IVNS1ABP: variants seen among roughly 807,000 people sequenced by gnomAD.
IVNS1ABP encodes the protein influenza virus NS1A binding protein.
Under a neutral mutation model 78.9 loss-of-function variants are expected in IVNS1ABP, and 25 were observed. The observed-to-expected ratio is 0.32, with a 90% confidence interval of 0.23 to 0.44. The LOEUF (loss-of-function observed/expected upper bound fraction) is 0.44, where lower values mean the gene tolerates loss of function less well. IVNS1ABP is among the 20% of genes least tolerant of loss of function. The pLI is 1.00. For synonymous variants in IVNS1ABP, 241 were observed against 259.7 expected, an observed-to-expected ratio of 0.93 and a Z score of 0.69; for missense variants, 494 against 768.9, an observed-to-expected ratio of 0.64 and a Z score of 4.23.
In IVNS1ABP at chr1:185,301,195, A is replaced by C; in HGVS notation, c.897T>G (p.Asn299Lys). The change falls in exon 10 of 15, where the codon AAT becomes AAG. Residue 299 changes from asparagine to lysine, a missense_variant and splice_region_variant. By Grantham distance (94) the Asn-to-Lys change is moderately conservative. Transcript: ENST00000367498. Reference sequence around the variant, plus strand: ...GCACAGCCAGGCACAAGTAAGTGTTATCTGTAAGCACAAGAGTTCCATGTT... The same window carrying C: ...GCACAGCCAGGCACAAGTAAGTGTTCTCTGTAAGCACAAGAGTTCCATGTT... ...WKIVASEKTS[N>K]NTYLCLAVLD... The C allele has an allele frequency of 6.2e-7, 1 of 1,610,554 alleles. No homozygotes were observed. Among genetic ancestry groups the C allele is most frequent in the Non-Finnish European group, 8.5e-7 (1 of 1,177,208 alleles).
In IVNS1ABP at chr1:185,297,901, A is replaced by G; in HGVS notation, c.*134T>C. ...AAAAAGTATGTACAGCATGTTTAATAGTATGCAATATGCAAAAGCTTTGTG... is the reference window on the plus strand; with the variant it reads ...AAAAAGTATGTACAGCATGTTTAATGGTATGCAATATGCAAAAGCTTTGTG... On this transcript the variant is annotated 3_prime_UTR_variant, in exon 15 of 15. Transcript: ENST00000367498. 1.3e-6 allele frequency: 1 copy of G among 783,888 alleles called. No individual in the cohort carries two copies. Among genetic ancestry groups the G allele is most frequent in the African/African-American group, 1.7e-5 (1 of 57,636 alleles). 48.6% of individuals were successfully genotyped at this position (783,888 alleles called of 1,614,324 possible). A position where few individuals can be genotyped will look rare whatever the true frequency, so the allele number is the denominator to read the frequency against.
intron 2 of IVNS1ABP, among the ~76,000 whole-genome samples, chr1:185,310,743 T>C (rs533793143): frequency 6.6e-6 from 1 of 151,952 alleles, no homozygotes; most frequent in Admixed American, 6.6e-5. Context: ...GTCATGGTGG[T>C]GGCGCACACC....
At chr1:185,300,879 G>A in intron 10 of IVNS1ABP, 93 bp downstream of exon 10, 6 of 924,530 alleles carry the variant, frequency 6.5e-6, no homozygotes, top group Non-Finnish European at 1.0e-5. Flanking sequence ...GGATTGCCGT[G>A]AAAGATGGCA....
rs1443547852 is a variant in IVNS1ABP, at chr1:185,305,367, G to A, written c.765+169C>T. The A allele has an allele frequency of 3.6e-6, 1 of 278,216 alleles. No homozygotes were observed. The highest frequency in any genetic ancestry group is 5.4e-6 in the Non-Finnish European group (1 of 183,810). The allele number at this position is 278,216 out of a possible 1,614,324, so 17.2% of individuals were successfully genotyped here. ...CTAATTTGTTAATATCTTTTCATGT[G>A]GCAAAAATACTAACTCTAAGATATG... On this transcript the variant is annotated intron_variant, in intron 8 of 14. Coordinates refer to ENST00000367498, the MANE Select transcript of IVNS1ABP (RefSeq NM_006469.5). This position sits in a 1 kb window ranked among gnomAD's most constrained non-coding sequence, Gnocchi z 4.0.
intron 3 of IVNS1ABP, 103 bp from the exon 4 acceptor site, chr1:185,309,275 TA>T (rs1250829190): frequency 8.2e-7 from 1 of 1,224,462 alleles, no homozygotes; most frequent in Non-Finnish European, 1.1e-6. Flanking sequence ...AGTATTCTTT[TA>T]AAAAATCATT....
chr1:185,317,087 A>G lies in IVNS1ABP; in HGVS notation c.-381T>C, dbSNP rs1314801340. The G allele has an allele frequency of 2.5e-6, 1 of 398,282 alleles. No individual in the cohort carries two copies. Among genetic ancestry groups the G allele is most frequent in the Non-Finnish European group, 4.4e-6 (1 of 226,084 alleles). The allele number at this position is 398,282 out of a possible 1,614,324, so 24.7% of individuals were successfully genotyped here. ...ACGGGAGCGGTCAAGTAGAAGGACG[A>G]GGGGCCAGTCCGTGGAGACTGAAAG... On this transcript the variant is annotated 5_prime_UTR_variant, in exon 1 of 15. Transcript: ENST00000367498.
At chr1:185,307,713 A>G (rs1245986123) in intron 5 of IVNS1ABP, 51 bp from the exon 6 acceptor site, 1 of 1,543,874 alleles carries the variant, frequency 6.5e-7, no homozygotes, top group African/African-American at 1.4e-5. Flanking sequence ...TTTATTCAAC[A>G]AATATTTAAT....
rs181593995 is a variant in IVNS1ABP, at chr1:185,298,898, T to A, written c.1676-610A>T. On this transcript the variant is annotated intron_variant, in intron 14 of 14. Coordinates refer to ENST00000367498, the MANE Select transcript of IVNS1ABP (RefSeq NM_006469.5). This position sits in a 1 kb window ranked among gnomAD's most constrained non-coding sequence, Gnocchi z 4.1. ...GCAACACAGTGAGACCATGTCTCAA[T>A]TAAAAAAATAAAATGATTGTGGTAC... The A allele has an allele frequency of 6.6e-6, 1 of 152,288 alleles. No homozygotes were observed. The highest frequency in any genetic ancestry group is 1.5e-5 in the Non-Finnish European group (1 of 68,066). The allele number at this position is 152,288 out of a possible 1,614,324, so 9.4% of individuals were successfully genotyped here.
rs2102817414 is a variant in IVNS1ABP at position 185,305,172 on chromosome 1, C to T, written c.765+364G>A. Among the ~76,000 whole-genome samples, 1 of 152,160 alleles carries T rather than the reference C, an allele frequency of 6.6e-6. No homozygotes were observed. The highest frequency in any genetic ancestry group is 2.1e-4 in the South Asian group (1 of 4,824). ...AACATCCAAAAATTTCTTTCATAGC[C>T]ATCAACAATTTAAGTCCCCCTGCCC... On this transcript the variant is annotated intron_variant, in intron 8 of 14. Transcript: ENST00000367498. This position sits in a 1 kb window ranked among gnomAD's most constrained non-coding sequence, Gnocchi z 4.0.
intron 7 of IVNS1ABP, chr1:185,306,291 T>A (rs1029890206): frequency 1.0e-5 from 3 of 294,006 alleles, no homozygotes; most frequent in African/African-American, 6.9e-5. Flanking sequence ...CCGAAAGGTT[T>A]AAGTGGAGAG....
chr1:185,316,304 C>A (rs890258639), intron 1 of IVNS1ABP, among the ~76,000 whole-genome samples: 2 of 152,126 alleles, frequency 1.3e-5, no homozygotes, highest in Non-Finnish European at 2.9e-5. Flanking sequence ...AGTACCGACA[C>A]GTCAGGGCAG....
chr1:185,307,997 C>A (rs1665784663), intron 5 of IVNS1ABP: 1 of 1,549,780 alleles, frequency 6.5e-7, no homozygotes, highest in Non-Finnish European at 8.7e-7. Context: ...ATGTTGAATG[C>A]AGACAGAAGT....
Position 185,299,887 on chromosome 1 carries a change from C to A in IVNS1ABP, c.1502-4G>T. 6.2e-7 allele frequency: 1 copy of A among 1,613,170 alleles called. No homozygotes were observed. The highest frequency in any genetic ancestry group is 8.5e-7 in the Non-Finnish European group (1 of 1,179,738). On this transcript the variant is annotated splice_region_variant and splice_polypyrimidine_tract_variant and intron_variant, in intron 13 of 14. Transcript: ENST00000367498. The stretch of plus-strand genomic sequence containing the variant: ...CAGACTGCAGACTGGTGTCTCCCTA[C>A]AAGAAAAGTCAAGTCAAGATTATTG...
intron 2 of IVNS1ABP, among the ~76,000 whole-genome samples, chr1:185,310,472 G>A (rs1433540413): frequency 6.6e-6 from 1 of 152,144 alleles, no homozygotes; most frequent in Non-Finnish European, 1.5e-5. Context: ...GCCAGGCATG[G>A]TGGCGGGCGC....
intron 1 of IVNS1ABP, among the ~76,000 whole-genome samples, chr1:185,315,626 G>A (rs1428243293): frequency 6.6e-6 from 1 of 152,136 alleles, no homozygotes; most frequent in Non-Finnish European, 1.5e-5. Flanking sequence ...TTTACCTCAC[G>A]TCCAGACTTA....
Position 185,298,495 on chromosome 1 carries a change from G to A in IVNS1ABP, c.1676-207C>T, listed in dbSNP as rs1665482629. On this transcript the variant is annotated intron_variant, in intron 14 of 14. Transcript: ENST00000367498. This position sits in a 1 kb window ranked among gnomAD's most constrained non-coding sequence, Gnocchi z 4.1. ...TCAATAAAAAAACCATTCCCACGTGGAACTTAGGCAACTTAAAAGGGGGAG... is the reference window on the plus strand; with the variant it reads ...TCAATAAAAAAACCATTCCCACGTGAAACTTAGGCAACTTAAAAGGGGGAG... 1.8e-6 allele frequency: 1 copy of A among 557,868 alleles called. No homozygotes were observed. The highest frequency in any genetic ancestry group is 2.5e-5 in the South Asian group (1 of 40,046). The allele number at this position is 557,868 out of a possible 1,614,324, so 34.6% of individuals were successfully genotyped here.
At chr1:185,306,526 T>C (rs1298334098) in intron 7 of IVNS1ABP, 1 of 1,289,484 alleles carries the variant, frequency 7.8e-7, no homozygotes. Context: ...GGATTTTTCT[T>C]AGGAGAACTG....
rs1284886300 is a variant in IVNS1ABP at position 185,305,264 on chromosome 1, T to C, written c.765+272A>G. On this transcript the variant is annotated intron_variant, in intron 8 of 14. Transcript: ENST00000367498. This position sits in a 1 kb window ranked among gnomAD's most constrained non-coding sequence, Gnocchi z 4.0. The stretch of plus-strand genomic sequence containing the variant: ...TGCTTTTCATAATCTTCCCAAATAA[T>C]TTCTATATTGTTCCATCTTATTGGC... 6.6e-6 allele frequency among the ~76,000 whole-genome samples: 1 copy of C among 152,170 alleles called. No homozygotes were observed. The highest frequency in any genetic ancestry group is 6.6e-5 in the Admixed American group (1 of 15,266).
intron 1 of IVNS1ABP, among the ~76,000 whole-genome samples, 174 bp downstream of exon 1, chr1:185,316,779 G>T (rs1464364798): frequency 6.6e-6 from 1 of 152,170 alleles, no homozygotes; most frequent in East Asian, 1.9e-4. Flanking sequence ...GCCCAGCGCG[G>T]CGCGGGCTTC....
Sources: allele counts gnomAD v4.1 joint callset (sites outside exome capture counted in the v4.1 genomes callset), GRCh38; gene constraint gnomAD v4.1.1; non-coding constraint Gnocchi (gnomAD v3.1); transcripts MANE v1.5; gene names NCBI Gene and HGNC (gene_info 2026-07-23, HGNC 2026-07-21).